Variants in TSPAN9 observed in about 807,000 individuals in gnomAD.
The protein encoded by TSPAN9 is tetraspanin-9.
In TSPAN9, 16 loss-of-function variants were observed where a neutral mutation model predicts 31.0. That is an observed-to-expected ratio of 0.52 (90% confidence interval 0.35 to 0.78). The LOEUF is 0.78. TSPAN9 is among the 30% of genes least tolerant of loss of function. The probability of loss-of-function intolerance (pLI) is 0.01; values close to 1 mark genes in which losing one functional copy is unlikely to be tolerated. For missense variants in TSPAN9, 272 were observed against 312.5 expected (o/e 0.87, Z 0.98); for synonymous variants, 145 against 121.6 (o/e 1.19, Z -1.27).
At chr12:3,089,482 A>G (rs948304580) in intron 2 of TSPAN9, among the ~76,000 whole-genome samples, 3 of 151,502 alleles carry the variant, frequency 2.0e-5, no homozygotes, top group African/African-American at 7.3e-5. Flanking sequence ...TTTTTAGTAG[A>G]GACGGGGTTT....
intron 3 of TSPAN9, among the ~76,000 whole-genome samples, chr12:3,275,036 T>C (rs1258485229): frequency 6.6e-6 from 1 of 152,216 alleles, no homozygotes; most frequent in African/African-American, 2.4e-5. Flanking sequence ...GGGCACCAGC[T>C]GTGTTCCCTG....
intron 3 of TSPAN9, among the ~76,000 whole-genome samples, chr12:3,240,101 C>T (rs1224619807): frequency 3.3e-5 from 5 of 152,036 alleles, no homozygotes; most frequent in Non-Finnish European, 5.9e-5. Flanking sequence ...GTAGAGAACC[C>T]TTGCGTAACC....
intron 2 of TSPAN9, among the ~76,000 whole-genome samples, chr12:3,196,179 C>A (rs992957618): frequency 6.6e-6 from 1 of 152,164 alleles, no homozygotes; most frequent in African/African-American, 2.4e-5. Flanking sequence ...CCTAGAGCTG[C>A]CTTCCTGAGG....
intron 3 of TSPAN9, among the ~76,000 whole-genome samples, chr12:3,272,491 A>ATG (rs148637967): frequency 1.3e-5 from 2 of 149,878 alleles, no homozygotes; most frequent in Admixed American, 1.3e-4. Flanking sequence ...CTGGAAGTGC[A>ATG]TGTGTGTTTT....
chr12:3,192,083 G>T lies in TSPAN9; in HGVS notation c.-17-9094G>T, dbSNP rs2098364706. 6.6e-6 allele frequency among the ~76,000 whole-genome samples: 1 copy of T among 152,150 alleles called. No homozygotes were observed. Among genetic ancestry groups the T allele is most frequent in the South Asian group, 2.1e-4 (1 of 4,818 alleles). ...GAGGTCAGAGCACCGAGAGTTCACG[G>T]CTGTGGCAATAATGGGTGAGCAGAG... On this transcript the variant is annotated intron_variant, in intron 2 of 8. Coordinates refer to ENST00000011898, the MANE Select transcript of TSPAN9 (RefSeq NM_006675.5). This position sits in a 1 kb window ranked among gnomAD's most constrained non-coding sequence, Gnocchi z 4.6.
intron 2 of TSPAN9, among the ~76,000 whole-genome samples, chr12:3,117,252 T>G (rs773124711): frequency 6.6e-5 from 10 of 152,054 alleles, no homozygotes; most frequent in Non-Finnish European, 1.2e-4. Context: ...GAAGGGCTTG[T>G]GATGGGAGGG....
intron 3 of TSPAN9, among the ~76,000 whole-genome samples, chr12:3,242,294 C>G: frequency 6.6e-6 from 1 of 152,240 alleles, no homozygotes; most frequent in Non-Finnish European, 1.5e-5. Flanking sequence ...GGGAGTGGCT[C>G]TGCCACCCGC....
rs1227552782 is a variant in TSPAN9 at position 3,147,674 on chromosome 12, C to G, written c.-17-53503C>G. ...GCATTGAAAATGGGACTGAAAATGC[C>G]CCAAGGAGCTGGATTTTAAATTTTA... On this transcript the variant is annotated intron_variant, in intron 2 of 8. Transcript: ENST00000011898. The surrounding 1 kb of genome is among the most constrained non-coding windows in gnomAD (Gnocchi z 4.3). Among the ~76,000 whole-genome samples the G allele has an allele frequency of 6.6e-6, 1 of 152,156 alleles. No individual in the cohort carries two copies. The highest frequency in any genetic ancestry group is 1.5e-5 in the Non-Finnish European group (1 of 68,032).
In TSPAN9 at chr12:3,081,324, G is replaced by A. The variant is rs138551152; in HGVS notation, c.-84-2329G>A. ...GAGTGGATCTAATCCCGGTGCATTC[G>A]CCTGGCATTCAGCATCCTGCCTGTC... On this transcript the variant is annotated intron_variant, in intron 1 of 8. Coordinates refer to ENST00000011898, the MANE Select transcript of TSPAN9 (RefSeq NM_006675.5). Among the ~76,000 whole-genome samples, 544 of 152,198 alleles carry A rather than the reference G, an allele frequency of 3.6e-3. 4 individuals carry two copies. The highest frequency in any genetic ancestry group is 0.014 in the Middle Eastern group (4 of 294).
At position 3,240,016 on chromosome 12, in the gene TSPAN9, A is replaced by G. The variant is rs1041077537; in HGVS notation, c.64-38405A>G. On this transcript the variant is annotated intron_variant, in intron 3 of 8. Coordinates refer to ENST00000011898, the MANE Select transcript of TSPAN9 (RefSeq NM_006675.5). ...GACCTTATTTAGTCCTCCTGTCCCT[A>G]TTACTCCCTTTTTTTTTCCTTTTAG... is the stretch of plus-strand genomic sequence containing the variant. Among the ~76,000 whole-genome samples, 5 of 71,110 alleles carry G rather than the reference A, an allele frequency of 7.0e-5. No individual in the cohort carries two copies. The East Asian group carries it at 1.6e-3, about 23-fold the overall frequency. The allele number at this position is 71,110 out of a possible 152,430, so 46.7% of individuals were successfully genotyped here.
At chr12:3,221,360 C>A (rs10848831) in intron 3 of TSPAN9, among the ~76,000 whole-genome samples, 2 of 141,312 alleles carry the variant, frequency 1.4e-5, no homozygotes, top group Admixed American at 1.4e-4. Context: ...ATATTTTTCT[C>A]TTTTTTTTTT....
intron 1 of TSPAN9, among the ~76,000 whole-genome samples, chr12:3,078,213 C>T (rs2098296081): frequency 1.3e-5 from 2 of 152,200 alleles, no homozygotes; most frequent in South Asian, 4.2e-4. Flanking sequence ...ACCTTTTTCT[C>T]GCATCACCAA....
At chr12:3,245,072 A>G (rs1862094179) in intron 3 of TSPAN9, among the ~76,000 whole-genome samples, 1 of 152,142 alleles carries the variant, frequency 6.6e-6, no homozygotes, top group African/African-American at 2.4e-5. Context: ...AGAGAGGAAG[A>G]CAGACCACCA....
At chr12:3,134,685 C>T (rs1006150886) in intron 2 of TSPAN9, among the ~76,000 whole-genome samples, 1 of 152,172 alleles carries the variant, frequency 6.6e-6, no homozygotes, top group African/African-American at 2.4e-5. Flanking sequence ...ACTTCTGAGA[C>T]AGAAGGCGGG....
At chr12:3,230,900 G>A (rs190844304) in intron 3 of TSPAN9, among the ~76,000 whole-genome samples, 6 of 152,244 alleles carry the variant, frequency 3.9e-5, no homozygotes, top group Non-Finnish European at 5.9e-5. Context: ...CCCATCTGGA[G>A]GCCCCCATTC....
intron 2 of TSPAN9, among the ~76,000 whole-genome samples, chr12:3,096,476 T>C (rs1565574075): frequency 6.6e-6 from 1 of 152,062 alleles, no homozygotes; most frequent in African/African-American, 2.4e-5. Context: ...TTCCATTCAC[T>C]GGTGCTTTCC....
intron 3 of TSPAN9, among the ~76,000 whole-genome samples, chr12:3,221,355 TTTCTC>T (rs1380865943): frequency 6.3e-4 from 82 of 129,990 alleles, no homozygotes; most frequent in African/African-American, 2.2e-3. Context: ...TTAAAATATT[TTTCTC>T]TTTTTTTTTT....
chr12:3,257,304 G>T (rs1462941281), intron 3 of TSPAN9, among the ~76,000 whole-genome samples: 1 of 151,900 alleles, frequency 6.6e-6, no homozygotes, highest in African/African-American at 2.4e-5. Flanking sequence ...GTGCACCTTG[G>T]GGTTTCAACC....
chr12:3,203,854 G>A (rs1486419911), intron 3 of TSPAN9, among the ~76,000 whole-genome samples: 2 of 152,198 alleles, frequency 1.3e-5, no homozygotes, highest in Admixed American at 1.3e-4. Flanking sequence ...TGTTGGCCAG[G>A]ATGTGGGGGC....
Sources: gnomAD v4.1 joint callset for allele counts (sites outside exome capture counted in the v4.1 genomes callset) on GRCh38, gnomAD v4.1.1 for gene constraint, Gnocchi (gnomAD v3.1) non-coding constraint, MANE v1.5 for transcripts, NCBI Gene and HGNC (gene_info 2026-07-23, HGNC 2026-07-21) for gene names.